MPPED1: variants seen among roughly 807,000 people sequenced by gnomAD.
The protein encoded by MPPED1 is metallophosphoesterase domain containing 1.
MPPED1 carries 16 observed loss-of-function variants against 36.2 expected under a neutral mutation model. The ratio of observed to expected loss-of-function variants is 0.44; its 90% CI spans 0.30 to 0.67. The LOEUF is 0.67. Among genes scored for constraint, MPPED1 ranks in the 30% least tolerant of loss-of-function variants. The pLI is 0.10. For missense variants in MPPED1, 307 were observed against 453.4 expected (o/e 0.68, Z 2.93); for synonymous variants, 199 against 191.3 (o/e 1.04, Z -0.33).
At chr22:43,424,690 T>A (rs1929396356) in intron 1 of MPPED1, among the ~76,000 whole-genome samples, 1 of 152,140 alleles carries the variant, frequency 6.6e-6, no homozygotes, top group Non-Finnish European at 1.5e-5. Flanking sequence ...TTTTTTCTTT[T>A]TTTTCTTGTC....
In MPPED1 at chr22:43,474,422, G is replaced by A. The variant is rs1028427017; in HGVS notation, c.407-314G>A. Among the ~76,000 whole-genome samples, 19 of 152,314 alleles carry A rather than the reference G, an allele frequency of 1.2e-4. No homozygotes were observed. Among genetic ancestry groups the A allele is most frequent in the Middle Eastern group, 3.4e-3 (1 of 294 alleles). The stretch of plus-strand genomic sequence containing the variant: ...AGGCTGCTGCCTCCTTTGATCTGAT[G>A]AAGACACCTGTTGGGGGCCTGGCAG... On this transcript the variant is annotated intron_variant, in intron 3 of 6. Coordinates refer to ENST00000443721, the MANE Select transcript of MPPED1 (RefSeq NM_001044370.2). This position sits in a 1 kb window ranked among gnomAD's most constrained non-coding sequence, Gnocchi z 5.2.
intron 3 of MPPED1, among the ~76,000 whole-genome samples, chr22:43,465,948 A>T (rs955901891): frequency 6.6e-6 from 1 of 152,126 alleles, no homozygotes; most frequent in Non-Finnish European, 1.5e-5. Context: ...GTCCTTCCGG[A>T]CTGCGACTTC....
In MPPED1 at chr22:43,424,996, C is replaced by T; in HGVS notation, c.11C>T (p.Ser4Phe). 2 of 1,598,592 alleles carry T rather than the reference C, an allele frequency of 1.3e-6. No individual in the cohort carries two copies. Among genetic ancestry groups the T allele is most frequent in the South Asian group, 1.1e-5 (1 of 89,060 alleles). MWR[S>F]RWDASVLKAE... ...GGCCGGCGGAGGTCCATGTGGCGCT[C>T]TAGGTGGGATGCCAGCGTCCTGAAG... The change falls in exon 2 of 7, where the codon TCT becomes TTT. Residue 4 changes from serine (S) to phenylalanine (F), a missense_variant. By Grantham distance (155) the Ser-to-Phe change is radical. Transcript: ENST00000443721.
At chr22:43,415,225 C>CAAAAAAAAAAAAAAAAAAAAAAAGA (rs34357060) in intron 1 of MPPED1, among the ~76,000 whole-genome samples, 3 of 49,402 alleles carry the variant, frequency 6.1e-5, no homozygotes, top group Non-Finnish European at 1.1e-4. Flanking sequence ...ATGTCAAAAG[C>CAAAAAAAAAAAAAAAAAAAAAAAGA]AAAAAAAAAA....
intron 4 of MPPED1, among the ~76,000 whole-genome samples, chr22:43,485,361 C>T (rs941926693): frequency 5.3e-5 from 8 of 152,210 alleles, no homozygotes; most frequent in Non-Finnish European, 4.4e-5. Flanking sequence ...CACACACATT[C>T]ATACACATAT....
At chr22:43,429,035 C>T (rs543345987) in intron 2 of MPPED1, among the ~76,000 whole-genome samples, 1 of 152,172 alleles carries the variant, frequency 6.6e-6, no homozygotes, top group African/African-American at 2.4e-5. Flanking sequence ...CTTGAGTCAT[C>T]GCTTAAAGGC....
At chr22:43,477,911 C>T (rs941374076) in intron 4 of MPPED1, among the ~76,000 whole-genome samples, 3 of 152,208 alleles carry the variant, frequency 2.0e-5, no homozygotes, top group Non-Finnish European at 2.9e-5. Context: ...GTGAGGTCTG[C>T]TTGGGCCCAT....
At chr22:43,428,901 A>G (rs1036615781) in intron 2 of MPPED1, among the ~76,000 whole-genome samples, 11 of 152,120 alleles carry the variant, frequency 7.2e-5, no homozygotes, top group African/African-American at 2.7e-4. Context: ...CCTGGTGGTC[A>G]GTAAGAAGGC....
intron 2 of MPPED1, among the ~76,000 whole-genome samples, chr22:43,427,466 C>A (rs1929517511): frequency 6.6e-6 from 1 of 151,926 alleles, no homozygotes; most frequent in South Asian, 2.1e-4. Context: ...TGTATGGAGG[C>A]CCAGCTGGGC....
At chr22:43,482,965 C>T (rs550273067) in intron 4 of MPPED1, among the ~76,000 whole-genome samples, 62 of 152,352 alleles carry the variant, frequency 4.1e-4, no homozygotes, top group African/African-American at 1.5e-3. Context: ...GTGACAGTCC[C>T]TGTCTTATGC....
chr22:43,507,630 T>A lies in MPPED1; in HGVS notation c.*2014T>A, dbSNP rs1932832411. On this transcript the variant is annotated 3_prime_UTR_variant, in exon 7 of 7. Coordinates refer to ENST00000443721, the MANE Select transcript of MPPED1 (RefSeq NM_001044370.2). Reference sequence around the variant, plus strand: ...CCAAGAACGATAAACTTAAAAAAATTTTTTTCCTAAGGTATCTTCAGAATA... The same window carrying A: ...CCAAGAACGATAAACTTAAAAAAATATTTTTCCTAAGGTATCTTCAGAATA... The A allele has an allele frequency of 6.6e-6, 1 of 152,126 alleles. No homozygotes were observed. The highest frequency in any genetic ancestry group is 2.1e-4 in the South Asian group (1 of 4,828). 9.4% of individuals were successfully genotyped at this position (152,126 alleles called of 1,614,324 possible).
intron 3 of MPPED1, among the ~76,000 whole-genome samples, chr22:43,457,710 A>T (rs562877836): frequency 4.3e-4 from 66 of 152,122 alleles, no homozygotes; most frequent in South Asian, 1.5e-3. Flanking sequence ...TTATAATTAA[A>T]TTTTTTTTAC....
chr22:43,469,346 A>T (rs184254822), intron 3 of MPPED1, among the ~76,000 whole-genome samples: 1 of 152,274 alleles, frequency 6.6e-6, no homozygotes, highest in Admixed American at 6.5e-5. Flanking sequence ...CCTGAAAATC[A>T]ATTAGTTGGT....
intron 3 of MPPED1, among the ~76,000 whole-genome samples, chr22:43,443,658 T>C (rs1191563890): frequency 1.3e-5 from 2 of 151,244 alleles, no homozygotes; most frequent in Non-Finnish European, 2.9e-5. Context: ...TATGATGTGA[T>C]CACTTTGATA....
chr22:43,461,417 T>A (rs1227580394), intron 3 of MPPED1, among the ~76,000 whole-genome samples: 3 of 152,216 alleles, frequency 2.0e-5, no homozygotes, highest in South Asian at 2.1e-4. Context: ...TCAGCTATTT[T>A]TCTTGCATCT....
intron 5 of MPPED1, among the ~76,000 whole-genome samples, chr22:43,501,343 T>A (rs1266500027): frequency 6.6e-6 from 1 of 152,202 alleles, no homozygotes; most frequent in African/African-American, 2.4e-5. Flanking sequence ...TCCTTTTTCC[T>A]TCTCCCCTCT....
intron 2 of MPPED1, among the ~76,000 whole-genome samples, chr22:43,433,088 G>A (rs1929823551): frequency 6.6e-6 from 1 of 152,070 alleles, no homozygotes; most frequent in African/African-American, 2.4e-5. Context: ...GGGTATGTAG[G>A]TCACACCAGC....
rs1277396461 is a variant in MPPED1 at position 43,460,287 on chromosome 22, A to C, written c.407-14449A>C. On this transcript the variant is annotated intron_variant, in intron 3 of 6. Transcript: ENST00000443721. ...AACCCCCCCCCCCAAACCCAAAGCA[A>C]AACAAAACAAAAAAAACTGGATTTT... Among the ~76,000 whole-genome samples the C allele has an allele frequency of 3.8e-5, 5 of 132,356 alleles. No homozygotes were observed. The Admixed American group carries it at 3.9e-4, about 10-fold the overall frequency. The allele number at this position is 132,356 out of a possible 152,430, so 86.8% of individuals were successfully genotyped here.
intron 1 of MPPED1, among the ~76,000 whole-genome samples, chr22:43,420,747 T>A (rs9623835): frequency 0.011 from 1,684 of 152,304 alleles, 37 homozygotes; most frequent in African/African-American, 0.039. Context: ...ACCATCACCC[T>A]GTTCTGTCTT....
Sources: gnomAD v4.1 joint callset for allele counts (sites outside exome capture counted in the v4.1 genomes callset) on GRCh38, gnomAD v4.1.1 for gene constraint, Gnocchi (gnomAD v3.1) non-coding constraint, MANE v1.5 for transcripts, NCBI Gene and HGNC (gene_info 2026-07-23, HGNC 2026-07-21) for gene names.